The following RREB1 variants were observed in gnomAD, a reference collection of about 807,000 sequenced individuals.
The protein encoded by RREB1 is ras responsive element binding protein 1, also known as ras-responsive element-binding protein 1.
In RREB1, 27 loss-of-function variants were observed where a neutral mutation model predicts 117.8. The observed-to-expected ratio is 0.23, with a 90% CI of 0.17 to 0.32. RREB1 has a LOEUF of 0.32. Ranked by LOEUF, RREB1 falls within the 10% of genes least tolerant of loss-of-function variation. RREB1 has a pLI of 1.00. For missense variants in RREB1, 2,577 were observed against 2,378.2 expected, an observed-to-expected ratio of 1.08 and a Z score of -1.74; for synonymous variants, 1,298 against 1,026.7, an observed-to-expected ratio of 1.26 and a Z score of -5.05.
rs1767600893 is a variant in RREB1 at position 7,226,608 on chromosome 6, C to T, written c.849C>T (p.Asp283=). Residue 283 remains aspartate (D), a synonymous_variant, in exon 9 of 13, where the codon GAC becomes GAT. Coordinates refer to ENST00000379938, the MANE Select transcript of RREB1 (RefSeq NM_001003699.4). ...CTTCAATTCCTGCTGGCTTCCACGA[C>T]TTAGGATTCACGGACTTCTCCTGTA... is the stretch of plus-strand genomic sequence containing the variant. The part of the protein sequence containing the change: ...NNPSIPAGFH[D]LGFTDFSCRK... 4 of 1,614,202 alleles carry T rather than the reference C, an allele frequency of 2.5e-6. No individual in the cohort carries two copies. Among genetic ancestry groups the T allele is most frequent in the East Asian group, 2.2e-5 (1 of 44,880 alleles).
chr6:7,133,768 G>C (rs1762245646), intron 1 of RREB1, among the ~76,000 whole-genome samples: 1 of 152,048 alleles, frequency 6.6e-6, no homozygotes, highest in African/African-American at 2.4e-5. Flanking sequence ...ATCTAATGAT[G>C]CAAAAAGGAA....
intron 6 of RREB1, among the ~76,000 whole-genome samples, chr6:7,208,063 C>T (rs1427725689): frequency 1.3e-5 from 2 of 152,196 alleles, no homozygotes; most frequent in African/African-American, 2.4e-5. Flanking sequence ...CCTTCCAGTT[C>T]ATGGGCTCCT....
At chr6:7,163,549 G>A (rs1763769849) in intron 1 of RREB1, among the ~76,000 whole-genome samples, 1 of 152,000 alleles carries the variant, frequency 6.6e-6, no homozygotes, top group Non-Finnish European at 1.5e-5. Context: ...CCGCCACCAC[G>A]CCCGGCTAAT....
chr6:7,122,546 A>G (rs1174316023), intron 1 of RREB1, among the ~76,000 whole-genome samples: 1 of 152,212 alleles, frequency 6.6e-6, no homozygotes, highest in Non-Finnish European at 1.5e-5. Context: ...GATTACAGGC[A>G]TGAGCCACCG....
chr6:7,221,194 C>G (rs1298161461), intron 8 of RREB1, among the ~76,000 whole-genome samples: 1 of 151,460 alleles, frequency 6.6e-6, no homozygotes, highest in Admixed American at 6.6e-5. Context: ...CGGAGTCTCG[C>G]TCTGTCGCCC....
chr6:7,132,549 C>G (rs1762196964), intron 1 of RREB1, among the ~76,000 whole-genome samples: 2 of 152,228 alleles, frequency 1.3e-5, no homozygotes, highest in African/African-American at 4.8e-5. Flanking sequence ...GGTGCTCAGT[C>G]AGTATTTGTT....
intron 1 of RREB1, among the ~76,000 whole-genome samples, chr6:7,117,375 G>T (rs1761447048): frequency 7.6e-6 from 1 of 130,800 alleles, no homozygotes. Context: ...TGAACCATGT[G>T]AATAGGTTTC....
intron 1 of RREB1, among the ~76,000 whole-genome samples, chr6:7,153,719 A>G (rs1278202055): frequency 6.6e-6 from 1 of 152,184 alleles, no homozygotes; most frequent in Non-Finnish European, 1.5e-5. Context: ...CCTCTTTATA[A>G]TGAAGTCAGG....
chr6:7,246,064 G>C (rs545924598), intron 11 of RREB1, among the ~76,000 whole-genome samples: 1 of 152,254 alleles, frequency 6.6e-6, no homozygotes, highest in South Asian at 2.1e-4. Flanking sequence ...AACTTCCCTA[G>C]CGCTGCGAGT....
chr6:7,152,638 A>T (rs1190974683), intron 1 of RREB1, among the ~76,000 whole-genome samples: 1 of 152,160 alleles, frequency 6.6e-6, no homozygotes, highest in Non-Finnish European at 1.5e-5. Context: ...AATGTGACAC[A>T]CCCAGAGAAT....
chr6:7,213,429 A>T (rs1273712033), intron 8 of RREB1: 1 of 152,192 alleles, frequency 6.6e-6, no homozygotes, highest in Non-Finnish European at 1.5e-5. Flanking sequence ...GGCCTCCTAA[A>T]GTGCTGGGAT....
chr6:7,126,289 T>C (rs9405327), intron 1 of RREB1, among the ~76,000 whole-genome samples: 79,226 of 151,194 alleles, frequency 0.52, 21,212 homozygotes, highest in East Asian at 0.85. Flanking sequence ...CGTGAGCCAC[T>C]GCGCCCGGCC....
intron 1 of RREB1, among the ~76,000 whole-genome samples, chr6:7,141,213 TGGCTGGCG>T (rs938409294): frequency 6.6e-6 from 1 of 151,164 alleles, no homozygotes; most frequent in Non-Finnish European, 1.5e-5. Context: ...GGGCGCCGAT[TGGCTGGCG>T]GGCTGGCGGG....
chr6:7,127,433 A>G (rs1239067381), intron 1 of RREB1, among the ~76,000 whole-genome samples: 2 of 152,104 alleles, frequency 1.3e-5, no homozygotes, highest in Admixed American at 6.5e-5. Flanking sequence ...TTGTTAAATG[A>G]TAGGGGAAAG....
At chr6:7,154,763 C>T (rs1020954329) in intron 1 of RREB1, among the ~76,000 whole-genome samples, 58 of 152,250 alleles carry the variant, frequency 3.8e-4, no homozygotes, top group Middle Eastern at 3.4e-3. Context: ...CATGCAATTC[C>T]GCTTGTTCAT....
intron 1 of RREB1, among the ~76,000 whole-genome samples, chr6:7,134,688 AATTG>A (rs1762280288): frequency 6.6e-6 from 1 of 152,234 alleles, no homozygotes; most frequent in African/African-American, 2.4e-5. Context: ...GTGTAAATTT[AATTG>A]ATTTCTAGAT....
intron 6 of RREB1, among the ~76,000 whole-genome samples, chr6:7,191,269 A>C (rs2113560309): frequency 6.6e-6 from 1 of 151,870 alleles, no homozygotes; most frequent in East Asian, 1.9e-4. Context: ...CATACATTAT[A>C]CCGTGTAAAG....
At chr6:7,228,640 G>C (rs150855514) in intron 9 of RREB1, among the ~76,000 whole-genome samples, 139 of 151,368 alleles carry the variant, frequency 9.2e-4, no homozygotes, top group African/African-American at 3.3e-3. Flanking sequence ...CCAATAGCTA[G>C]GACACAGGCA....
chr6:7,138,520 A>G (rs553730856), intron 1 of RREB1, among the ~76,000 whole-genome samples: 33 of 152,348 alleles, frequency 2.2e-4, no homozygotes, highest in Admixed American at 1.0e-3. Flanking sequence ...GTCTTCAGAA[A>G]ATGAAAGTTT....
Sources: gnomAD v4.1 joint callset for allele counts (sites outside exome capture counted in the v4.1 genomes callset) on GRCh38, gnomAD v4.1.1 for gene constraint, MANE v1.5 for transcripts, NCBI Gene and HGNC (gene_info 2026-07-23, HGNC 2026-07-21) for gene names.